The following PACRG variants were observed in gnomAD, a reference collection of about 807,000 sequenced individuals.
PACRG encodes parkin coregulated gene protein.
PACRG carries 29 observed loss-of-function variants against 29.7 expected under a neutral mutation model. The observed-to-expected ratio is 0.98, with a 90% CI of 0.73 to 1.33. The LOEUF is 1.33. Among genes scored for constraint, PACRG ranks in the 40% most tolerant of loss-of-function variants. PACRG has a pLI of 0.00. For missense variants in PACRG, 279 were observed against 316.2 expected, an observed-to-expected ratio of 0.88 and a Z score of 0.89; for synonymous variants, 116 against 118.7, an observed-to-expected ratio of 0.98 and a Z score of 0.15.
At chr6:162,875,432 C>T (rs1280574749) in intron 2 of PACRG, among the ~76,000 whole-genome samples, 3 of 152,194 alleles carry the variant, frequency 2.0e-5, no homozygotes, top group Non-Finnish European at 2.9e-5. Context: ...CATGCACACA[C>T]ATTCACACAC....
chr6:162,954,740 G>T (rs1030022610), intron 2 of PACRG, among the ~76,000 whole-genome samples: 1 of 152,144 alleles, frequency 6.6e-6, no homozygotes, highest in Non-Finnish European at 1.5e-5. Flanking sequence ...AGCTTTTGGT[G>T]AGTATAGGGA....
chr6:162,895,965 A>G (rs1795134491), intron 2 of PACRG, among the ~76,000 whole-genome samples: 1 of 152,186 alleles, frequency 6.6e-6, no homozygotes, highest in Non-Finnish European at 1.5e-5. Context: ...CTTCTTTTAC[A>G]GAATAATATT....
At chr6:163,257,824 T>C (rs1783175161) in intron 4 of PACRG, among the ~76,000 whole-genome samples, 1 of 152,212 alleles carries the variant, frequency 6.6e-6, no homozygotes, top group African/African-American at 2.4e-5. Context: ...AAGGGGTTGA[T>C]ATTGTGGACA....
intron 2 of PACRG, among the ~76,000 whole-genome samples, chr6:162,934,948 T>C (rs1318002938): frequency 6.6e-6 from 1 of 152,210 alleles, no homozygotes; most frequent in Non-Finnish European, 1.5e-5. Flanking sequence ...ATAGCTTTGC[T>C]GGGTATAACA....
At chr6:162,737,380 G>A (rs1216416259) in intron 1 of PACRG, among the ~76,000 whole-genome samples, 3 of 152,160 alleles carry the variant, frequency 2.0e-5, no homozygotes, top group South Asian at 2.1e-4. Context: ...GATTTAATTA[G>A]TCTTTAATTA....
chr6:163,232,532 G>T (rs1322438257), intron 4 of PACRG, among the ~76,000 whole-genome samples: 1 of 152,174 alleles, frequency 6.6e-6, no homozygotes, highest in Non-Finnish European at 1.5e-5. Flanking sequence ...AGGTGGGAAG[G>T]TGTGGAAATA....
At chr6:162,844,339 C>T (rs935603621) in intron 2 of PACRG, among the ~76,000 whole-genome samples, 11 of 152,212 alleles carry the variant, frequency 7.2e-5, no homozygotes, top group East Asian at 5.8e-4. Context: ...GCGCAATATT[C>T]GGGTGGGAGT....
At chr6:163,244,627 T>C (rs2128169681) in intron 4 of PACRG, among the ~76,000 whole-genome samples, 1 of 152,304 alleles carries the variant, frequency 6.6e-6, no homozygotes, top group South Asian at 2.1e-4. Flanking sequence ...AAAAGTCCCA[T>C]ACTGTGGAAG....
intron 1 of PACRG, among the ~76,000 whole-genome samples, chr6:162,734,455 A>G (rs1363043475): frequency 7.9e-6 from 1 of 126,134 alleles, no homozygotes; most frequent in East Asian, 1.9e-4. Context: ...ATTAAATTAT[A>G]TCAAACATCT....
intron 1 of PACRG, among the ~76,000 whole-genome samples, chr6:162,729,028 C>T (rs949591651): frequency 6.6e-6 from 1 of 152,058 alleles, no homozygotes; most frequent in Non-Finnish European, 1.5e-5. Context: ...GCTACTAATA[C>T]AATTCATATT....
intron 2 of PACRG, among the ~76,000 whole-genome samples, chr6:162,904,699 A>T (rs1161864594): frequency 6.6e-6 from 1 of 152,202 alleles, no homozygotes; most frequent in Admixed American, 6.5e-5. Flanking sequence ...TTTTACCTTT[A>T]TGGAAATGTT....
intron 1 of PACRG, among the ~76,000 whole-genome samples, chr6:162,789,486 C>G (rs140214200): frequency 4.2e-4 from 64 of 152,236 alleles, no homozygotes; most frequent in African/African-American, 1.4e-3. Flanking sequence ...AAGAAGGTTA[C>G]TATAAAAATC....
At chr6:162,897,298 T>A (rs1217084140) in intron 2 of PACRG, among the ~76,000 whole-genome samples, 1 of 152,212 alleles carries the variant, frequency 6.6e-6, no homozygotes, top group Non-Finnish European at 1.5e-5. Context: ...AAGACTGGAT[T>A]ATCTTTCTGC....
chr6:163,092,515 A>G (rs1479455711), intron 4 of PACRG, among the ~76,000 whole-genome samples: 1 of 152,202 alleles, frequency 6.6e-6, no homozygotes, highest in Non-Finnish European at 1.5e-5. Context: ...TTTTTCACAG[A>G]GTTTAATTAG....
chr6:162,797,335 C>G (rs79385997), intron 1 of PACRG, among the ~76,000 whole-genome samples: 10,407 of 152,170 alleles, frequency 0.068, 483 homozygotes, highest in East Asian at 0.28. Context: ...GATTTTATAC[C>G]TAAAGGGCAC....
At chr6:162,960,037 A>G (rs1800480211) in intron 2 of PACRG, among the ~76,000 whole-genome samples, 1 of 152,230 alleles carries the variant, frequency 6.6e-6, no homozygotes, top group African/African-American at 2.4e-5. Flanking sequence ...AGAGAAATGC[A>G]AATCAAACCA....
chr6:162,739,680 A>G, intron 1 of PACRG, among the ~76,000 whole-genome samples: 1 of 151,976 alleles, frequency 6.6e-6, no homozygotes, highest in Admixed American at 6.6e-5. Flanking sequence ...CATCTCTACT[A>G]AAATACAAAA....
chr6:163,295,942 C>T (rs1784765624), intron 4 of PACRG, among the ~76,000 whole-genome samples: 1 of 152,188 alleles, frequency 6.6e-6, no homozygotes, highest in Non-Finnish European at 1.5e-5. Flanking sequence ...TGTCCCATGC[C>T]CTGAGGCCCT....
At chr6:163,194,758 T>C (rs1562958137) in intron 4 of PACRG, among the ~76,000 whole-genome samples, 4 of 152,184 alleles carry the variant, frequency 2.6e-5, no homozygotes. Flanking sequence ...TCCTGGAGAT[T>C]AGAACATGCA....
Sources: allele counts gnomAD v4.1 joint callset (sites outside exome capture counted in the v4.1 genomes callset), GRCh38; gene constraint gnomAD v4.1.1; transcripts MANE v1.5; gene names NCBI Gene and HGNC (gene_info 2026-07-23, HGNC 2026-07-21).